GPHN: variants seen among roughly 807,000 people sequenced by gnomAD.
GPHN encodes gephyrin.
GPHN carries 17 observed loss-of-function variants against 95.5 expected under a neutral mutation model. The ratio of observed to expected loss-of-function variants is 0.18; its 90% CI spans 0.12 to 0.27. The LOEUF is 0.27. Ranked by LOEUF, GPHN falls within the 10% of genes least tolerant of loss-of-function variation. GPHN has a pLI of 1.00. For missense variants in GPHN, 660 were observed against 978.1 expected (o/e 0.67, Z 4.34); for synonymous variants, 320 against 322.5 (o/e 0.99, Z 0.08).
intron 1 of GPHN, among the ~76,000 whole-genome samples, chr14:66,604,614 A>G (rs1172143592): frequency 6.6e-6 from 1 of 152,152 alleles, no homozygotes; most frequent in East Asian, 1.9e-4. Flanking sequence ...AAATATTCCA[A>G]TATGTAACAG....
chr14:67,115,742 A>C (rs1194394577), intron 16 of GPHN, among the ~76,000 whole-genome samples: 1 of 152,112 alleles, frequency 6.6e-6, no homozygotes, highest in Admixed American at 6.5e-5. Flanking sequence ...CTCAAAAAAA[A>C]AAAAAAGATA....
At chr14:67,553,376 TA>T in the GPHN span, among the ~76,000 whole-genome samples, 11 of 148,986 alleles carry the variant, frequency 7.4e-5, no homozygotes, top group East Asian at 1.9e-4. Context: ...TCTGTGTGGG[TA>T]AAAAAAAAAC....
At chr14:67,621,072 C>G in the GPHN span, 1 of 1,050,628 alleles carries the variant, frequency 9.5e-7, no homozygotes, top group South Asian at 1.3e-5. Context: ...TGGGAACAGT[C>G]TGCCACATCC....
chr14:66,565,323 G>T (rs1159358247), intron 1 of GPHN, among the ~76,000 whole-genome samples: 1 of 151,966 alleles, frequency 6.6e-6, no homozygotes, highest in East Asian at 1.9e-4. Context: ...TTGAGGTGGG[G>T]TCTCACTCTG....
chr14:66,961,575 A>C (rs925631923), intron 8 of GPHN, among the ~76,000 whole-genome samples: 3 of 151,792 alleles, frequency 2.0e-5, no homozygotes, highest in East Asian at 1.9e-4. Flanking sequence ...TAAGAAAAGA[A>C]CAACCAAATA....
In GPHN at chr14:67,145,683, A is replaced by G. The variant is rs564330311; in HGVS notation, c.1836+2234A>G. Among the ~76,000 whole-genome samples, 144 of 152,252 alleles carry G rather than the reference A, an allele frequency of 9.5e-4. 1 individual carries two copies. Among genetic ancestry groups the G allele is most frequent in the South Asian group, 3.9e-3 (19 of 4,830 alleles). ...TTTAATTCCAAAAAGAATTTAGGGT[A>G]CCTCCATAGTAGAAAGAAAATAATA... is the stretch of plus-strand genomic sequence containing the variant. On this transcript the variant is annotated intron_variant, in intron 18 of 22. Coordinates refer to ENST00000478722, the MANE Select transcript of GPHN (RefSeq NM_020806.5).
intron 9 of GPHN, among the ~76,000 whole-genome samples, chr14:66,993,502 A>G (rs1859172789): frequency 6.6e-6 from 1 of 152,216 alleles, no homozygotes; most frequent in Admixed American, 6.6e-5. Flanking sequence ...CCTGAAGACC[A>G]TGATGAACTT....
intron 4 of GPHN, among the ~76,000 whole-genome samples, chr14:66,836,686 C>T (rs1475974915): frequency 1.4e-5 from 2 of 146,536 alleles, no homozygotes; most frequent in Non-Finnish European, 3.0e-5. Flanking sequence ...ATTTTCGCAA[C>T]CTACTCATCT....
At chr14:66,654,398 T>C (rs568720809) in intron 1 of GPHN, among the ~76,000 whole-genome samples, 1 of 152,168 alleles carries the variant, frequency 6.6e-6, no homozygotes, top group Admixed American at 6.5e-5. Flanking sequence ...CCTGTTCTTA[T>C]TATGATTTTA....
intron 2 of GPHN, among the ~76,000 whole-genome samples, chr14:66,717,742 C>A (rs2070322426): frequency 1.3e-5 from 2 of 152,176 alleles, no homozygotes; most frequent in South Asian, 4.1e-4. Flanking sequence ...GCTGTGGCTT[C>A]CTGAGAGCCA....
intron 1 of GPHN, among the ~76,000 whole-genome samples, chr14:66,601,859 A>G (rs896533567): frequency 2.6e-5 from 4 of 151,970 alleles, no homozygotes; most frequent in South Asian, 4.1e-4. Context: ...TTTTCAATGC[A>G]TCTCATTAGC....
At chr14:66,811,021 A>AT (rs2060738921) in intron 3 of GPHN, among the ~76,000 whole-genome samples, 1 of 152,266 alleles carries the variant, frequency 6.6e-6, no homozygotes, top group African/African-American at 2.4e-5. Context: ...GTGCAGACTT[A>AT]AAATCATTAT....
chr14:67,280,352 A>AT, the GPHN span, among the ~76,000 whole-genome samples: 2 of 152,184 alleles, frequency 1.3e-5, no homozygotes, highest in Admixed American at 6.5e-5. Context: ...GTGGTTTGCT[A>AT]TTTTTTAGGT....
At chr14:66,767,350 A>G (rs768676021) in intron 2 of GPHN, among the ~76,000 whole-genome samples, 62 of 150,942 alleles carry the variant, frequency 4.1e-4, no homozygotes, top group Non-Finnish European at 2.2e-4. Flanking sequence ...TTTCCCTGGT[A>G]CTTTTTCAGT....
the GPHN span, among the ~76,000 whole-genome samples, chr14:67,635,581 C>T: frequency 4.6e-5 from 7 of 152,192 alleles, no homozygotes; most frequent in Non-Finnish European, 1.0e-4. Flanking sequence ...CGGCCGGGCA[C>T]GGCGGCTCAC....
intron 1 of GPHN, among the ~76,000 whole-genome samples, chr14:66,517,402 C>T (rs1021540774): frequency 6.6e-6 from 1 of 152,172 alleles, no homozygotes; most frequent in Admixed American, 6.5e-5. Flanking sequence ...CAATGACATT[C>T]TATACCAATG....
the GPHN span, chr14:67,691,323 T>A: frequency 2.2e-6 from 2 of 905,004 alleles, no homozygotes; most frequent in Non-Finnish European, 3.6e-6. Flanking sequence ...ACGCTCAGGC[T>A]TTGAAAATGA....
intron 1 of GPHN, among the ~76,000 whole-genome samples, chr14:66,560,365 C>T (rs2060183540): frequency 6.6e-6 from 1 of 152,118 alleles, no homozygotes; most frequent in African/African-American, 2.4e-5. Context: ...ATTCTTCCTA[C>T]CCATGAGCAT....
At chr14:66,920,241 G>T (rs931682662) in intron 6 of GPHN, among the ~76,000 whole-genome samples, 1 of 152,288 alleles carries the variant, frequency 6.6e-6, no homozygotes, top group South Asian at 2.1e-4. Context: ...TTTAAGAGTT[G>T]TAGAAATAAC....
Sources: allele counts gnomAD v4.1 joint callset (sites outside exome capture counted in the v4.1 genomes callset), GRCh38; gene constraint gnomAD v4.1.1; transcripts MANE v1.5; gene names NCBI Gene and HGNC (gene_info 2026-07-23, HGNC 2026-07-21).